KCNJ6: variants seen among roughly 807,000 people sequenced by gnomAD.
KCNJ6 encodes potassium inwardly rectifying channel subfamily J member 6.
In KCNJ6, 9 loss-of-function variants were observed where a neutral mutation model predicts 34.2. That is an observed-to-expected ratio of 0.26 (90% CI 0.16 to 0.46). The LOEUF is 0.46. Ranked by LOEUF, KCNJ6 falls within the 20% of genes least tolerant of loss-of-function variation. The probability of loss-of-function intolerance (pLI) is 1.00; values close to 1 mark genes in which losing one functional copy is unlikely to be tolerated. For missense variants in KCNJ6, 236 were observed against 531.3 expected (o/e 0.44, Z 5.46); for synonymous variants, 196 against 207.1 (o/e 0.95, Z 0.46).
intron 3 of KCNJ6, among the ~76,000 whole-genome samples, chr21:37,681,497 T>C (rs1203915581): frequency 6.6e-6 from 1 of 152,220 alleles, no homozygotes; most frequent in East Asian, 1.9e-4. Context: ...TAACACTGGC[T>C]CTCACATTGT....
intron 2 of KCNJ6, among the ~76,000 whole-genome samples, chr21:37,804,012 T>C (rs146920550): frequency 6.6e-6 from 1 of 152,292 alleles, no homozygotes; most frequent in Non-Finnish European, 1.5e-5. Flanking sequence ...TGAGCAAAAA[T>C]ACTCTGCCCC....
At chr21:37,683,633 G>T (rs1371458141) in intron 3 of KCNJ6, among the ~76,000 whole-genome samples, 1 of 152,182 alleles carries the variant, frequency 6.6e-6, no homozygotes, top group African/African-American at 2.4e-5. Context: ...TCGTTTGCAT[G>T]AAAAGGGTAG....
intron 1 of KCNJ6, among the ~76,000 whole-genome samples, chr21:37,880,070 C>T (rs1241282900): frequency 2.0e-5 from 3 of 147,182 alleles, no homozygotes; most frequent in African/African-American, 7.6e-5. Context: ...ACCAGCCTGG[C>T]CAACATGGTG....
intron 2 of KCNJ6, among the ~76,000 whole-genome samples, chr21:37,827,634 A>G (rs2055405315): frequency 6.6e-6 from 1 of 152,156 alleles, no homozygotes; most frequent in Admixed American, 6.5e-5. Context: ...TAGTAAGTAA[A>G]ACAAGGTATG....
intron 1 of KCNJ6, among the ~76,000 whole-genome samples, chr21:37,899,651 A>C (rs2055807061): frequency 6.6e-6 from 1 of 152,156 alleles, no homozygotes; most frequent in Non-Finnish European, 1.5e-5. Flanking sequence ...AGAGGTGGGA[A>C]GAGTTCAAGG....
Position 37,706,461 on chromosome 21 carries a change from G to A in KCNJ6, c.946+7750C>T, listed in dbSNP as rs145242191. 2.7e-3 allele frequency among the ~76,000 whole-genome samples: 410 copies of A among 152,364 alleles called. 4 individuals carry two copies. The highest frequency in any genetic ancestry group is 9.4e-3 in the African/African-American group (389 of 41,590). ...ACTAACAAATTGTGAGCAGAAGCGA[G>A]TGTTTGGCCCTGTCTCTTGTTTTTC... On this transcript the variant is annotated intron_variant, in intron 3 of 3. Transcript: ENST00000609713.
intron 1 of KCNJ6, among the ~76,000 whole-genome samples, chr21:37,897,307 T>C (rs2055793730): frequency 6.6e-6 from 1 of 152,090 alleles, no homozygotes; most frequent in African/African-American, 2.4e-5. Flanking sequence ...GACAGAACAG[T>C]GTTGTTCAGT....
At chr21:37,803,598 C>T (rs991936969) in intron 2 of KCNJ6, among the ~76,000 whole-genome samples, 7 of 152,162 alleles carry the variant, frequency 4.6e-5, no homozygotes, top group East Asian at 3.8e-4. Flanking sequence ...TAGCAGACGT[C>T]ACCACTGTCA....
At chr21:37,854,874 T>A (rs1221671543) in intron 1 of KCNJ6, among the ~76,000 whole-genome samples, 2 of 152,164 alleles carry the variant, frequency 1.3e-5, no homozygotes, top group African/African-American at 4.8e-5. Context: ...GAGCAAAAAC[T>A]GATAGAACTG....
At chr21:37,893,236 C>A (rs758559634) in intron 1 of KCNJ6, among the ~76,000 whole-genome samples, 1 of 151,646 alleles carries the variant, frequency 6.6e-6, no homozygotes, top group Non-Finnish European at 1.5e-5. Context: ...GAGATGGAGT[C>A]TCACGCCATC....
In KCNJ6 at chr21:37,793,627, A is replaced by G. The variant is rs982972526; in HGVS notation, c.25+47031T>C. On this transcript the variant is annotated intron_variant, in intron 2 of 3. Transcript: ENST00000609713. ...CTAAATGCCAGTCTCTCTATTAAAC[A>G]TGTGATGTGTGTTATTATTGCTTTT... is the stretch of plus-strand genomic sequence containing the variant. Among the ~76,000 whole-genome samples, 20 of 151,496 alleles carry G rather than the reference A, an allele frequency of 1.3e-4. 1 individual carries two copies. Among genetic ancestry groups the G allele is most frequent in the Admixed American group, 9.2e-4 (14 of 15,210 alleles).
chr21:37,681,243 C>A (rs2054589357), intron 3 of KCNJ6, among the ~76,000 whole-genome samples: 1 of 152,268 alleles, frequency 6.6e-6, no homozygotes, highest in Non-Finnish European at 1.5e-5. Flanking sequence ...TCTTCAGGGG[C>A]TGAGAATTCT....
chr21:37,785,527 T>C (rs145950523), intron 2 of KCNJ6, among the ~76,000 whole-genome samples: 485 of 152,336 alleles, frequency 3.2e-3, no homozygotes, highest in Non-Finnish European at 5.7e-3. Flanking sequence ...GCTGTTGATA[T>C]GTCATTAGCA....
chr21:37,884,574 T>C (rs963873050), intron 1 of KCNJ6, among the ~76,000 whole-genome samples: 1 of 152,154 alleles, frequency 6.6e-6, no homozygotes, highest in African/African-American at 2.4e-5. Context: ...CAAGTTACCA[T>C]TTACTCAGAA....
At chr21:37,789,023 C>G (rs1339932944) in intron 2 of KCNJ6, among the ~76,000 whole-genome samples, 2 of 152,184 alleles carry the variant, frequency 1.3e-5, no homozygotes, top group African/African-American at 4.8e-5. Context: ...TTTCACTACT[C>G]TCAAGACTCT....
intron 3 of KCNJ6, among the ~76,000 whole-genome samples, chr21:37,661,614 G>GTTTTTTTTTTTTTTTTTTTTTTTTTTTT (rs59026391): frequency 1.4e-5 from 1 of 71,196 alleles, no homozygotes; most frequent in Non-Finnish European, 2.6e-5. Flanking sequence ...AAGAGACATA[G>GTTTTTTTTTTTTTTTTTTTTTTTTTTTT]TTTTTTTTTT....
intron 3 of KCNJ6, among the ~76,000 whole-genome samples, chr21:37,674,535 C>A (rs857970): frequency 0.18 from 27,010 of 151,600 alleles, 2,668 homozygotes; most frequent in East Asian, 0.38. Flanking sequence ...CGAGTCAGGC[C>A]TCCTTGATGC....
intron 3 of KCNJ6, among the ~76,000 whole-genome samples, chr21:37,712,497 CCTCCCCTT>C (rs1444531819): frequency 7.9e-6 from 1 of 127,182 alleles, no homozygotes; most frequent in Non-Finnish European, 1.7e-5. Context: ...TTCCCTCCCT[CCTCCCCTT>C]CTCCTCCTCT....
intron 2 of KCNJ6, among the ~76,000 whole-genome samples, chr21:37,753,729 T>C (rs1338278322): frequency 6.6e-6 from 1 of 152,226 alleles, no homozygotes; most frequent in Non-Finnish European, 1.5e-5. Context: ...GAGGGAACGC[T>C]GTCACTAATG....
Sources: allele counts gnomAD v4.1 joint callset (sites outside exome capture counted in the v4.1 genomes callset), GRCh38; gene constraint gnomAD v4.1.1; transcripts MANE v1.5; gene names NCBI Gene and HGNC (gene_info 2026-07-23, HGNC 2026-07-21).